RUBCN: variants seen among roughly 807,000 people sequenced by gnomAD.
The protein encoded by RUBCN is rubicon autophagy regulator.
RUBCN carries 74 observed loss-of-function variants against 113.2 expected under a neutral mutation model. The observed-to-expected ratio is 0.65, with a 90% CI of 0.54 to 0.79. The LOEUF (loss-of-function observed/expected upper bound fraction) is 0.79, where lower values mean the gene tolerates loss of function less well. RUBCN is among the 30% of genes least tolerant of loss of function. RUBCN has a pLI of 0.00. For missense variants in RUBCN, 1,109 were observed against 1,251.7 expected, an observed-to-expected ratio of 0.89 and a Z score of 1.72; for synonymous variants, 480 against 490.0, an observed-to-expected ratio of 0.98 and a Z score of 0.27.
At chr3:197,693,939 G>C in intron 10 of RUBCN, 123 bp from the exon 11 acceptor site, 2 of 727,198 alleles carry the variant, frequency 2.8e-6, no homozygotes, top group African/African-American at 1.8e-5. Flanking sequence ...TTTCCCTTTA[G>C]AAAGTTTCAA....
At chr3:197,694,226 G>A (rs770330012) in intron 10 of RUBCN, 149 bp downstream of exon 10, 76 of 806,166 alleles carry the variant, frequency 9.4e-5, no homozygotes, top group Middle Eastern at 4.4e-4. Context: ...GAAACGGAGC[G>A]ACTCTAGGAT....
At chr3:197,741,233 C>G (rs1371849312), upstream of RUBCN, among the ~76,000 whole-genome samples, 6 of 152,110 alleles carry the variant, frequency 3.9e-5, no homozygotes, top group Admixed American at 3.9e-4. Context: ...AATTTTTAAT[C>G]TTGTAATGAT....
At chr3:197,720,963 G>A (rs916776489) in intron 1 of RUBCN, among the ~76,000 whole-genome samples, 1 of 151,736 alleles carries the variant, frequency 6.6e-6, no homozygotes, top group African/African-American at 2.4e-5. Flanking sequence ...CATCCTCACC[G>A]ACACCGGCTA....
intron 18 of RUBCN, 158 bp downstream of exon 18, chr3:197,676,727 T>G (rs1434615085): frequency 4.0e-6 from 6 of 1,496,548 alleles, no homozygotes; most frequent in Non-Finnish European, 5.3e-6. Flanking sequence ...TTGGCTGCTC[T>G]CCAGGCTAAG....
At chr3:197,717,454 A>AAG (rs1553900565) in intron 2 of RUBCN, among the ~76,000 whole-genome samples, 11 of 149,150 alleles carry the variant, frequency 7.4e-5, no homozygotes, top group South Asian at 2.1e-4. Flanking sequence ...AAAAAAAAAA[A>AAG]GGGGGGGGCA....
chr3:197,675,425 C>T lies in RUBCN; in HGVS notation c.2737G>A (p.Glu913Lys). 2 of 1,613,158 alleles carry T rather than the reference C, an allele frequency of 1.2e-6. No homozygotes were observed. Among genetic ancestry groups the T allele is most frequent in the South Asian group, 2.2e-5 (2 of 91,068 alleles). Residue 913 changes from glutamate (E) to lysine (K), a missense_variant, in exon 19 of 20, where the codon GAA (glutamate) becomes AAA (lysine). Coordinates refer to ENST00000296343, the MANE Select transcript of RUBCN (RefSeq NM_014687.4). The surrounding 1 kb of genome is among the most constrained non-coding windows in gnomAD (Gnocchi z 4.4). ...CGATGCCTGCACCTGCCCTCACCTT[C>T]ACAGGTCCGGCACTTATGGAGCTCA... Reference protein sequence around the residue: ...PFELHKCRTCEECKACYHKAC... With the variant: ...PFELHKCRTCKECKACYHKAC...
In RUBCN at chr3:197,673,211, C is replaced by G. The variant is rs991062423; in HGVS notation, c.*1807G>C. On this transcript the variant is annotated 3_prime_UTR_variant, in exon 20 of 20. Transcript: ENST00000296343. ...GAAGGGAGAACAGCCTCAGGGTCTT[C>G]TAGCCCTACATGGCTTTCAGATCCC... is the stretch of plus-strand genomic sequence containing the variant. The G allele has an allele frequency of 1.3e-5, 2 of 152,260 alleles. No homozygotes were observed. The highest frequency in any genetic ancestry group is 1.5e-5 in the Non-Finnish European group (1 of 68,068). The allele number at this position is 152,260 out of a possible 1,614,324, so 9.4% of individuals were successfully genotyped here. A position where few individuals can be genotyped will look rare whatever the true frequency, so the allele number is the denominator to read the frequency against.
chr3:197,735,240 GT>G (rs1727985739), intron 1 of RUBCN, among the ~76,000 whole-genome samples: 2 of 152,132 alleles, frequency 1.3e-5, no homozygotes, highest in Non-Finnish European at 2.9e-5. Flanking sequence ...CTACAAAAAA[GT>G]TTTTTAAAGT....
chr3:197,746,239 G>A (rs1405558943), intron 1 of RUBCN, among the ~76,000 whole-genome samples: 2 of 152,208 alleles, frequency 1.3e-5, no homozygotes, highest in African/African-American at 4.8e-5. Context: ...AAAGGAATGG[G>A]GTCAGTGCTC....
At chr3:197,720,698 C>T (rs564882296) in intron 1 of RUBCN, among the ~76,000 whole-genome samples, 85 of 152,224 alleles carry the variant, frequency 5.6e-4, no homozygotes, top group African/African-American at 2.0e-3. Flanking sequence ...TGAGCCACCG[C>T]GCCTGGCTGT....
At chr3:197,740,820 C>G (rs992471367), upstream of RUBCN, among the ~76,000 whole-genome samples, 2 of 152,034 alleles carry the variant, frequency 1.3e-5, no homozygotes, top group African/African-American at 4.8e-5. Context: ...GGGGTTTCAT[C>G]ATGTTGGCCA....
At chr3:197,705,789 C>T (rs978169415) in intron 2 of RUBCN, among the ~76,000 whole-genome samples, 5 of 151,982 alleles carry the variant, frequency 3.3e-5, no homozygotes, top group African/African-American at 9.7e-5. Context: ...AGTGCAGTGG[C>T]GTGATCCAGC....
At chr3:197,713,185 A>C (rs529556243) in intron 2 of RUBCN, among the ~76,000 whole-genome samples, 79 of 152,346 alleles carry the variant, frequency 5.2e-4, no homozygotes, top group African/African-American at 1.9e-3. Flanking sequence ...AATAACTATA[A>C]CAAGATATGT....
intron 1 of RUBCN, among the ~76,000 whole-genome samples, chr3:197,725,332 A>T (rs1726612221): frequency 6.6e-6 from 1 of 151,840 alleles, no homozygotes; most frequent in Admixed American, 6.6e-5. Flanking sequence ...GTTTTTAATT[A>T]TCTAGTATTT....
intron 11 of RUBCN, among the ~76,000 whole-genome samples, chr3:197,685,931 TTGC>T (rs1721792328): frequency 6.6e-6 from 1 of 152,214 alleles, no homozygotes; most frequent in Non-Finnish European, 1.5e-5. Context: ...TACCTAAGTC[TTGC>T]CTTGAGCTAG....
Position 197,736,630 on chromosome 3 carries a change from G to A in RUBCN, c.65+25C>T, listed in dbSNP as rs756788468. The A allele has an allele frequency of 2.5e-5, 38 of 1,531,814 alleles. No individual in the cohort carries two copies. The Admixed American group carries it at 5.1e-4, about 21-fold the overall frequency. 94.9% of individuals were successfully genotyped at this position (1,531,814 alleles called of 1,614,324 possible). The stretch of plus-strand genomic sequence containing the variant: ...GGGCTCCGGCGCCTGTCGCTGCCCC[G>A]ACTCCGCGGCGGCTCCCAGCCCACC... On this transcript the variant is annotated intron_variant, in intron 1 of 19. Coordinates refer to ENST00000296343, the MANE Select transcript of RUBCN (RefSeq NM_014687.4).
At chr3:197,701,637 G>C in intron 6 of RUBCN, 71 bp downstream of exon 6, 2 of 1,465,878 alleles carry the variant, frequency 1.4e-6, no homozygotes, top group Non-Finnish European at 1.9e-6. Context: ...AAGCCTATGA[G>C]CAACCACAAA....
intron 1 of RUBCN, 58 bp from the exon 2 acceptor site, chr3:197,718,188 C>T: frequency 6.2e-7 from 1 of 1,600,392 alleles, no homozygotes; most frequent in South Asian, 1.1e-5. Context: ...TGATCCTGAT[C>T]ATATCAAAGA....
intron 1 of RUBCN, among the ~76,000 whole-genome samples, chr3:197,723,335 G>A (rs1156419116): frequency 1.9e-4 from 29 of 151,938 alleles, no homozygotes; most frequent in Non-Finnish European, 3.5e-4. Context: ...ACAGGCACCT[G>A]CCACCACACC....
Sources: gnomAD v4.1 joint callset for allele counts (sites outside exome capture counted in the v4.1 genomes callset) on GRCh38, gnomAD v4.1.1 for gene constraint, Gnocchi (gnomAD v3.1) non-coding constraint, MANE v1.5 for transcripts, NCBI Gene and HGNC (gene_info 2026-07-23, HGNC 2026-07-21) for gene names.